Variants in TRPM3 observed in about 807,000 individuals in gnomAD.
TRPM3 encodes the protein transient receptor potential cation channel subfamily M member 3.
In TRPM3, 77 loss-of-function variants were observed where a neutral mutation model predicts 181.2. That is an observed-to-expected ratio of 0.42 (90% CI 0.35 to 0.51). The LOEUF (loss-of-function observed/expected upper bound fraction) is 0.51. Ranked by LOEUF, TRPM3 falls within the 20% of genes least tolerant of loss-of-function variation. The pLI is 0.01. For synonymous variants in TRPM3, 745 were observed against 796.4 expected (o/e 0.94, Z 1.09); for missense variants, 1,759 against 2,196.7 (o/e 0.80, Z 3.98).
chr9:70,960,647 T>C (rs1214867013), intron 1 of TRPM3, among the ~76,000 whole-genome samples: 1 of 152,128 alleles, frequency 6.6e-6, no homozygotes, highest in Non-Finnish European at 1.5e-5. Flanking sequence ...GAAGCAAATA[T>C]CCACATAAAA....
intron 1 of TRPM3, among the ~76,000 whole-genome samples, chr9:71,163,329 TATAGGTAGGTAG>T (rs2076369174): frequency 6.7e-6 from 1 of 150,150 alleles, no homozygotes; most frequent in South Asian, 2.1e-4. Flanking sequence ...GGAAACAAGA[TATAGGTAGGTAG>T]GTAGGTAGGT....
chr9:70,919,784 CA>C lies in TRPM3; in HGVS notation c.178-55274del, dbSNP rs34469005. On this transcript the variant is annotated intron_variant, in intron 1 of 25. Transcript: ENST00000677713. The stretch of plus-strand genomic sequence containing the variant: ...GGGTGACAAGAGTGAAACTCCATTT[CA>C]AAAAAAAAAAAAAAATCTTCCATCC... Among the ~76,000 whole-genome samples the C allele has an allele frequency of 9.5e-3, 1,244 of 130,522 alleles. 10 individuals are homozygous for C. Among genetic ancestry groups the C allele is most frequent in the African/African-American group, 0.027 (936 of 34,672 alleles). 85.6% of individuals were successfully genotyped at this position (130,522 alleles called of 152,430 possible). A position where few individuals can be genotyped will look rare whatever the true frequency, so the allele number is the denominator to read the frequency against.
In TRPM3 at chr9:71,402,947, C is replaced by T. The variant is rs147076027; in HGVS notation, c.183+43706G>A. 4.6e-5 allele frequency among the ~76,000 whole-genome samples: 7 copies of T among 152,202 alleles called. No individual in the cohort carries two copies. The East Asian group carries it at 1.4e-3, about 29-fold the overall frequency. On this transcript the variant is annotated intron_variant, in intron 1 of 24. Coordinates refer to the TRPM3 transcript ENST00000357533. ...CATTAATGAACCATTTCTACCCTTG[C>T]AAAAGTTATAAAGAGATGACAAAGA...
At chr9:71,004,283 T>C (rs977891671) in intron 1 of TRPM3, among the ~76,000 whole-genome samples, 1 of 152,378 alleles carries the variant, frequency 6.6e-6, no homozygotes, top group Admixed American at 6.5e-5. Flanking sequence ...GAGCCTTCCC[T>C]TGACCTGGAA....
chr9:71,159,179 G>A (rs1258694132), intron 1 of TRPM3, among the ~76,000 whole-genome samples: 1 of 152,050 alleles, frequency 6.6e-6, no homozygotes, highest in African/African-American at 2.4e-5. Context: ...TTTACGGTGT[G>A]TGTGTGGGTA....
chr9:70,944,521 G>A (rs2096914523), intron 1 of TRPM3, among the ~76,000 whole-genome samples: 1 of 152,010 alleles, frequency 6.6e-6, no homozygotes, highest in Non-Finnish European at 1.5e-5. Context: ...AGGTTGTAAA[G>A]GAAAAGTTAT....
chr9:71,281,063 G>T (rs1038357425), intron 1 of TRPM3, among the ~76,000 whole-genome samples: 4 of 152,176 alleles, frequency 2.6e-5, no homozygotes, highest in African/African-American at 9.7e-5. Flanking sequence ...AAAGTGGCTG[G>T]TATATAAGAC....
intron 1 of TRPM3, among the ~76,000 whole-genome samples, chr9:71,279,960 T>C (rs1588261370): frequency 6.6e-6 from 1 of 151,132 alleles, no homozygotes; most frequent in East Asian, 2.0e-4. Context: ...ATGACTGTCA[T>C]CCCAGCTACG....
At chr9:71,237,821 C>T (rs918204289) in intron 1 of TRPM3, among the ~76,000 whole-genome samples, 3 of 152,282 alleles carry the variant, frequency 2.0e-5, no homozygotes, top group Middle Eastern at 6.8e-3. Flanking sequence ...TAGTGAGGGC[C>T]TTCTTGCTGC....
At chr9:71,412,985 A>G (rs943482828) in intron 1 of TRPM3, among the ~76,000 whole-genome samples, 2 of 152,162 alleles carry the variant, frequency 1.3e-5, no homozygotes, top group Admixed American at 1.3e-4. Context: ...ATTCTGAGCA[A>G]ACTATCACAA....
Position 71,005,956 on chromosome 9 carries a change from A to T in TRPM3, c.177+115222T>A, listed in dbSNP as rs1386783110. ...TAACAGATAAAATTATTAAGACAAT[A>T]ATAAGTACACCAATTGGTTAGAAGA... On this transcript the variant is annotated intron_variant, in intron 1 of 25. Coordinates refer to ENST00000677713, the MANE Select transcript of TRPM3 (RefSeq NM_001366145.2). 2.0e-5 allele frequency among the ~76,000 whole-genome samples: 3 copies of T among 152,214 alleles called. No individual in the cohort carries two copies. The East Asian group carries it at 5.8e-4, about 29-fold the overall frequency.
chr9:71,402,785 T>C (rs1346316363), intron 1 of TRPM3, among the ~76,000 whole-genome samples: 1 of 152,190 alleles, frequency 6.6e-6, no homozygotes, highest in African/African-American at 2.4e-5. Flanking sequence ...TTCCCAGCTA[T>C]GATCCATGCT....
chr9:71,140,121 C>T (rs1036083427), intron 1 of TRPM3, among the ~76,000 whole-genome samples: 2 of 152,152 alleles, frequency 1.3e-5, no homozygotes, highest in African/African-American at 4.8e-5. Context: ...AAATGTTGCA[C>T]TAACCTAGAA....
chr9:70,933,660 G>A (rs532361250), intron 1 of TRPM3, among the ~76,000 whole-genome samples: 5 of 152,038 alleles, frequency 3.3e-5, no homozygotes, highest in Non-Finnish European at 5.9e-5. Context: ...GGAAAAGGCA[G>A]GGATAGAGTC....
intron 1 of TRPM3, among the ~76,000 whole-genome samples, chr9:70,914,635 C>A (rs77088343): frequency 6.6e-6 from 1 of 152,252 alleles, no homozygotes; most frequent in Admixed American, 6.5e-5. Flanking sequence ...TTACAGCAGG[C>A]CTTGAGTGAG....
At chr9:71,074,596 C>G (rs2063201654) in intron 1 of TRPM3, among the ~76,000 whole-genome samples, 2 of 152,164 alleles carry the variant, frequency 1.3e-5, no homozygotes, top group Non-Finnish European at 2.9e-5. Context: ...CCTCCTGCTT[C>G]AGGTACTTTT....
intron 19 of TRPM3, among the ~76,000 whole-genome samples, chr9:70,604,438 G>A (rs2060633810): frequency 6.6e-6 from 1 of 152,184 alleles, no homozygotes; most frequent in South Asian, 2.1e-4. Flanking sequence ...GGGGCCTCAG[G>A]GGCTGTGAGC....
chr9:71,261,438 T>C (rs1046108002), intron 1 of TRPM3, among the ~76,000 whole-genome samples: 3 of 152,204 alleles, frequency 2.0e-5, no homozygotes, highest in Admixed American at 6.5e-5. Context: ...CTTCCTTGCA[T>C]TGGGTTATAA....
intron 1 of TRPM3, among the ~76,000 whole-genome samples, chr9:71,008,011 A>C (rs1341875513): frequency 6.6e-6 from 1 of 152,128 alleles, no homozygotes; most frequent in Non-Finnish European, 1.5e-5. Context: ...AAGATAAATA[A>C]TATGGACAAA....
Sources: allele counts gnomAD v4.1 joint callset (sites outside exome capture counted in the v4.1 genomes callset), GRCh38; gene constraint gnomAD v4.1.1; transcripts MANE v1.5; gene names NCBI Gene and HGNC (gene_info 2026-07-23, HGNC 2026-07-21).